The following LRIG2 variants were observed in gnomAD, a reference collection of about 807,000 sequenced individuals.
The protein encoded by LRIG2 is leucine rich repeats and immunoglobulin like domains 2, also known as leucine-rich repeats and immunoglobulin-like domains protein 2.
LRIG2 carries 93 observed loss-of-function variants against 107.8 expected under a neutral mutation model. The ratio of observed to expected loss-of-function variants is 0.86; its 90% CI spans 0.73 to 1.03. LRIG2 has a LOEUF of 1.03. Ranked by LOEUF, LRIG2 falls within the 50% of genes least tolerant of loss-of-function variation. LRIG2 has a pLI of 0.00. For synonymous variants in LRIG2, 471 were observed against 470.6 expected (o/e 1.00, Z -0.01); for missense variants, 1,226 against 1,296.0 (o/e 0.95, Z 0.83).
At chr1:113,109,605 A>AC (rs1355548147) in intron 12 of LRIG2, among the ~76,000 whole-genome samples, 5 of 151,660 alleles carry the variant, frequency 3.3e-5, no homozygotes, top group Admixed American at 1.3e-4. Context: ...AGCCACCTCT[A>AC]CCCCCCGGGT....
chr1:113,096,368 A>G lies in LRIG2; in HGVS notation c.1091+3A>G, dbSNP rs1397824386. On this transcript the variant is annotated splice_donor_region_variant and intron_variant, in intron 8 of 17. Coordinates refer to ENST00000361127, the MANE Select transcript of LRIG2 (RefSeq NM_014813.3). ...TTTCTTTCCAATCTTCAGACATTGT[A>G]AGTATATCCATTCTCCTTTTTGGTT... 6.2e-7 allele frequency: 1 copy of G among 1,608,792 alleles called. No individual in the cohort carries two copies. Among genetic ancestry groups the G allele is most frequent in the Non-Finnish European group, 8.5e-7 (1 of 1,178,568 alleles).
In LRIG2 at chr1:113,110,413, G is replaced by A. The variant is rs137984555; in HGVS notation, c.1649G>A (p.Arg550His). The change falls in exon 13 of 18, where the codon CGT (arginine) becomes CAT (histidine). Residue 550 changes from arginine to histidine, a missense_variant. Arg to His is a conservative substitution (Grantham distance 29). Transcript: ENST00000361127. ...GACGTGGATACTGAGAATTTTGTTC[G>A]TTATTGGCAGCAAGCTGGAGAAGCT... The part of the protein sequence containing the change: ...LYDVDTENFV[R>H]YWQQAGEALE... 4.1e-4 allele frequency: 656 copies of A among 1,614,166 alleles called. 6 individuals are homozygous for A. Among genetic ancestry groups the A allele is most frequent in the Non-Finnish European group, 9.5e-5 (112 of 1,180,028 alleles).
Position 113,091,382 on chromosome 1 carries a change from G to A in LRIG2, c.304G>A (p.Val102Met), listed in dbSNP as rs1653817816. 2.5e-6 allele frequency: 4 copies of A among 1,573,150 alleles called. No homozygotes were observed. In the African/African-American group the frequency reaches 5.4e-5, roughly 21 times the overall value. Residue 102 changes from valine (V) to methionine (M), a missense_variant and splice_region_variant, in exon 2 of 18, where the codon GTG (valine) becomes ATG (methionine). Val to Met is a conservative substitution (Grantham distance 21). Coordinates refer to ENST00000361127, the MANE Select transcript of LRIG2 (RefSeq NM_014813.3). Reference sequence around the variant, plus strand: ...CTTGGAATCACAAACATTACAGGAAGTGTAAGTTATTTTTATTTATTTAAA... The same window carrying A: ...CTTGGAATCACAAACATTACAGGAAATGTAAGTTATTTTTATTTATTTAAA... ...ISLESQTLQE[V>M]KMNYNELTEI...
rs552077104 is a variant in LRIG2, at chr1:113,091,034, T to C, written c.240-284T>C. 8.6e-4 allele frequency among the ~76,000 whole-genome samples: 131 copies of C among 151,586 alleles called. 3 individuals carry two copies. Among genetic ancestry groups the C allele is most frequent in the Non-Finnish European group, 4.1e-4 (28 of 67,902 alleles). On this transcript the variant is annotated intron_variant, in intron 1 of 17. Transcript: ENST00000361127. ...ACCTGGATGATATTTGTATTTTTAG[T>C]AGAGATGGGGTTTCACCAGGTGATT...
intron 14 of LRIG2, 85 bp from the exon 15 acceptor site, chr1:113,114,342 A>AC: frequency 1.3e-6 from 1 of 750,058 alleles, no homozygotes; most frequent in African/African-American, 1.8e-5. Context: ...ATTTTATTAT[A>AC]CCCCCATTGG....
At chr1:113,101,733 T>C (rs1654315604) in intron 11 of LRIG2, among the ~76,000 whole-genome samples, 1 of 152,212 alleles carries the variant, frequency 6.6e-6, no homozygotes. Flanking sequence ...GGCAAACTGT[T>C]AGCCTATGAC....
Position 113,094,437 on chromosome 1 carries a change from G to C in LRIG2, c.614G>C (p.Ser205Thr), listed in dbSNP as rs898569562. Residue 205 changes from serine to threonine, a missense_variant, in exon 5 of 18, where the codon AGC (serine) becomes ACC (threonine). Ser to Thr is a moderately conservative substitution (Grantham distance 58). Coordinates refer to ENST00000361127, the MANE Select transcript of LRIG2 (RefSeq NM_014813.3). ...LVVKLNRNRMSMIPPKIFKLP... is the reference protein window; with the variant it reads ...LVVKLNRNRMTMIPPKIFKLP... ...GTAAAGTTAAACCGTAACCGAATGAGCATGATTCCACCTAAGATCTTCAAG... is the reference window on the plus strand; with the variant it reads ...GTAAAGTTAAACCGTAACCGAATGACCATGATTCCACCTAAGATCTTCAAG... 6 of 1,612,998 alleles carry C rather than the reference G, an allele frequency of 3.7e-6. No homozygotes were observed.
intron 1 of LRIG2, among the ~76,000 whole-genome samples, chr1:113,089,676 C>CTTTTTTTTTTTT (rs35515644): frequency 5.6e-5 from 4 of 71,672 alleles, no homozygotes; most frequent in Non-Finnish European, 1.0e-4. Context: ...AGGTGGATTG[C>CTTTTTTTTTTTT]TTTTTTTTTT....
chr1:113,084,134 C>G (rs1404305464), intron 1 of LRIG2, among the ~76,000 whole-genome samples: 1 of 150,586 alleles, frequency 6.6e-6, no homozygotes, highest in Non-Finnish European at 1.5e-5. Context: ...TAATGTGCAG[C>G]CGTGATGGAG....
rs750552112 is a variant in LRIG2, at chr1:113,073,387, C to T, written c.-20C>T. On this transcript the variant is annotated 5_prime_UTR_variant, in exon 1 of 18. In the 5' UTR this introduces an upstream ATG that the reference lacks. Transcript: ENST00000361127. ...TCTAGCAGGCAGCTCTTCTAGGCCA[C>T]GTCCAGGTCGAGGGGGAAAATGGCG... The T allele has an allele frequency of 1.1e-5, 18 of 1,600,426 alleles. No homozygotes were observed. The highest frequency in any genetic ancestry group is 1.5e-5 in the Non-Finnish European group (17 of 1,168,640).
intron 1 of LRIG2, among the ~76,000 whole-genome samples, chr1:113,086,564 C>G (rs777034937): frequency 2.0e-5 from 3 of 152,094 alleles, no homozygotes; most frequent in African/African-American, 7.2e-5. Flanking sequence ...TGTGACTGTG[C>G]GAAGAAAACC....
At chr1:113,080,836 GTTTT>G (rs1007236694) in intron 1 of LRIG2, among the ~76,000 whole-genome samples, 1 of 84,608 alleles carries the variant, frequency 1.2e-5, no homozygotes, top group Non-Finnish European at 2.2e-5. Context: ...AACACTAAAA[GTTTT>G]TTTTTTTTTT....
chr1:113,110,467 T>G lies in LRIG2; in HGVS notation c.1703T>G (p.Phe568Cys), dbSNP rs764605740. ...GAATATACTAGTATCTTACATCTTTTCAATGTGAATTTCACAGATGAAGGA... is the reference window on the plus strand; with the variant it reads ...GAATATACTAGTATCTTACATCTTTGCAATGTGAATTTCACAGATGAAGGA... The part of the protein sequence containing the change: ...ALEYTSILHL[F>C]NVNFTDEGKY... The change falls in exon 13 of 18, where the codon TTC becomes TGC. Residue 568 changes from phenylalanine to cysteine, a missense_variant. This residue lies in a region of LRIG2 where 642 missense variants were observed against 712.2 expected (regional missense o/e 0.90). Coordinates refer to ENST00000361127, the MANE Select transcript of LRIG2 (RefSeq NM_014813.3). The G allele has an allele frequency of 1.9e-6, 3 of 1,613,468 alleles. No homozygotes were observed. The Admixed American group carries it at 5.0e-5, about 27-fold the overall frequency.
chr1:113,082,296 C>T (rs1043070531), intron 1 of LRIG2, among the ~76,000 whole-genome samples: 1 of 152,158 alleles, frequency 6.6e-6, no homozygotes, highest in African/African-American at 2.4e-5. Context: ...ACAAGAAAAT[C>T]TGCAACAAGA....
At position 113,124,866 on chromosome 1, in the gene LRIG2, A is replaced by G. The variant is rs1473284682; in HGVS notation, c.*765A>G. On this transcript the variant is annotated 3_prime_UTR_variant, in exon 18 of 18. Transcript: ENST00000361127. Reference sequence around the variant, plus strand: ...ATAACTCAATTTAGTGAGATCTAAAAATTTTATTTAAAGTATAAAAACTGT... The same window carrying G: ...ATAACTCAATTTAGTGAGATCTAAAGATTTTATTTAAAGTATAAAAACTGT... 1 of 152,176 alleles carries G rather than the reference A, an allele frequency of 6.6e-6. No individual in the cohort carries two copies. The highest frequency in any genetic ancestry group is 1.5e-5 in the Non-Finnish European group (1 of 68,042). The allele number at this position is 152,176 out of a possible 1,614,324, so 9.4% of individuals were successfully genotyped here.
chr1:113,131,799 GTTTTGTGTGTGT>G lies in LRIG2; in HGVS notation c.*7699_*7710del, dbSNP rs1655708414. 9.8e-6 allele frequency: 1 copy of G among 102,384 alleles called. No individual in the cohort carries two copies. Among genetic ancestry groups the G allele is most frequent in the African/African-American group, 3.8e-5 (1 of 26,534 alleles). The allele number at this position is 102,384 out of a possible 1,614,324, so 6.3% of individuals were successfully genotyped here. On this transcript the variant is annotated 3_prime_UTR_variant, in exon 18 of 18. Coordinates refer to ENST00000361127, the MANE Select transcript of LRIG2 (RefSeq NM_014813.3). Reference sequence around the variant, plus strand: ...GAAGGTTTTGTCAGTAGTAAGGTAGGTTTTGTGTGTGTGTGTGTGTGTGTGTGTGTGTGTGTG... The same window carrying G: ...GAAGGTTTTGTCAGTAGTAAGGTAGGGTGTGTGTGTGTGTGTGTGTGTGTG...
At chr1:113,123,057 T>A (rs1655329548) in intron 17 of LRIG2, among the ~76,000 whole-genome samples, 1 of 152,230 alleles carries the variant, frequency 6.6e-6, no homozygotes, top group African/African-American at 2.4e-5. Context: ...GTGCAGATAA[T>A]CTGATTTAAT....
chr1:113,129,016 G>A lies in LRIG2; in HGVS notation c.*4915G>A, dbSNP rs1176689035. The A allele has an allele frequency of 6.6e-6, 1 of 152,114 alleles. No individual in the cohort carries two copies. Among genetic ancestry groups the A allele is most frequent in the Non-Finnish European group, 1.5e-5 (1 of 68,080 alleles). The allele number at this position is 152,114 out of a possible 1,614,324, so 9.4% of individuals were successfully genotyped here. A position where few individuals can be genotyped will look rare whatever the true frequency, so the allele number is the denominator to read the frequency against. The stretch of plus-strand genomic sequence containing the variant: ...AGCAGAAGATAGCCTGTGAGCCAGT[G>A]CTCTAGAAAACATCATGTAGGAGGC... On this transcript the variant is annotated 3_prime_UTR_variant, in exon 18 of 18. Transcript: ENST00000361127.
At chr1:113,077,271 A>T (rs760368490) in intron 1 of LRIG2, among the ~76,000 whole-genome samples, 2 of 151,566 alleles carry the variant, frequency 1.3e-5, no homozygotes, top group African/African-American at 2.4e-5. Context: ...CAGCTTCCCG[A>T]GTAGGGATTA....
Sources: allele counts gnomAD v4.1 joint callset (sites outside exome capture counted in the v4.1 genomes callset), GRCh38; gene constraint gnomAD v4.1.1; regional missense constraint gnomAD v4.1.1; transcripts MANE v1.5; gene names NCBI Gene and HGNC (gene_info 2026-07-23, HGNC 2026-07-21).